Variants in ZNF131 observed in about 807,000 individuals in gnomAD.
ZNF131 encodes the protein zinc finger and BTB domain containing 35.
A neutral mutation model predicts 60.0 loss-of-function variants in ZNF131; 7 were observed. That is an observed-to-expected ratio of 0.12 (90% confidence interval 0.07 to 0.22). The LOEUF (loss-of-function observed/expected upper bound fraction) is 0.22. Among genes scored for constraint, ZNF131 ranks in the 10% least tolerant of loss-of-function variants. ZNF131 has a pLI of 1.00. For missense variants in ZNF131, 493 were observed against 740.9 expected (o/e 0.67, Z 3.88); for synonymous variants, 257 against 253.2 (o/e 1.01, Z -0.14).
chr5:43,145,646 G>A (rs1300736487), intron 4 of ZNF131, among the ~76,000 whole-genome samples: 1 of 151,718 alleles, frequency 6.6e-6, no homozygotes, highest in Non-Finnish European at 1.5e-5. Context: ...GACAGAGTGA[G>A]ACTCCATCTC....
Position 43,175,191 on chromosome 5 carries a change from C to T in ZNF131, c.*58C>T, listed in dbSNP as rs983273445. 6.7e-7 allele frequency: 1 copy of T among 1,481,520 alleles called. No homozygotes were observed. Among genetic ancestry groups the T allele is most frequent in the Non-Finnish European group, 9.0e-7 (1 of 1,107,648 alleles). The allele number at this position is 1,481,520 out of a possible 1,614,324, so 91.8% of individuals were successfully genotyped here. A position where few individuals can be genotyped will look rare whatever the true frequency, so the allele number is the denominator to read the frequency against. On this transcript the variant is annotated 3_prime_UTR_variant, in exon 7 of 7. Coordinates refer to ENST00000682664, the MANE Select transcript of ZNF131 (RefSeq NM_001330707.2). ...GTTGGGTTTTTGAACTGATTATGGG[C>T]AGTTTGACTGTCCTTAATTAAGCCT...
intron 4 of ZNF131, among the ~76,000 whole-genome samples, chr5:43,146,939 A>G (rs560023362): frequency 6.6e-5 from 10 of 152,014 alleles, no homozygotes; most frequent in Non-Finnish European, 1.3e-4. Context: ...AGTGATACAG[A>G]CACCACCACA....
chr5:43,129,418 A>G (rs1053486872), intron 3 of ZNF131, among the ~76,000 whole-genome samples: 1 of 152,020 alleles, frequency 6.6e-6, no homozygotes, highest in African/African-American at 2.4e-5. Flanking sequence ...CTCATCAGTC[A>G]GGACAGGGAG....
chr5:43,154,147 C>T (rs1317528084), intron 4 of ZNF131, among the ~76,000 whole-genome samples: 1 of 152,066 alleles, frequency 6.6e-6, no homozygotes. Context: ...CGGGGTGGCT[C>T]ACACCTGTAA....
intron 3 of ZNF131, among the ~76,000 whole-genome samples, chr5:43,137,576 C>CAAA (rs35143949): frequency 7.0e-6 from 1 of 142,610 alleles, no homozygotes. Flanking sequence ...GGATGGCTAT[C>CAAA]AAAAAAAAAA....
At chr5:43,168,414 A>G (rs751251185) in intron 5 of ZNF131, among the ~76,000 whole-genome samples, 131 of 152,304 alleles carry the variant, frequency 8.6e-4, no homozygotes, top group Admixed American at 6.5e-4. Context: ...ATAGGGCATT[A>G]TGGCCAGAGG....
At chr5:43,162,045 T>G in intron 5 of ZNF131, 114 bp downstream of exon 5, 48 of 990,746 alleles carry the variant, frequency 4.8e-5, no homozygotes, top group Non-Finnish European at 6.4e-5. Context: ...GTATTATCTC[T>G]AATGTGTAGG....
intron 5 of ZNF131, among the ~76,000 whole-genome samples, chr5:43,163,651 T>C (rs539221497): frequency 9.2e-5 from 14 of 152,350 alleles, no homozygotes; most frequent in African/African-American, 3.1e-4. Context: ...GGATAGTTCC[T>C]AAACCTACTA....
rs1747817428 is a variant in ZNF131, at chr5:43,147,898, C to CA, written c.371+8596dup. Among the ~76,000 whole-genome samples the CA allele has an allele frequency of 3.3e-5, 5 of 149,746 alleles. 1 individual carries two copies. In the South Asian group the frequency reaches 1.1e-3, roughly 32 times the overall value. ...GTGAAACCCACCTCTACTAAAAATA[C>CA]AAAAAAATATCTGGGTGTGCTGGTG... On this transcript the variant is annotated intron_variant, in intron 4 of 6. Transcript: ENST00000682664.
At chr5:43,129,625 T>C (rs1221022656) in intron 3 of ZNF131, among the ~76,000 whole-genome samples, 2 of 152,156 alleles carry the variant, frequency 1.3e-5, no homozygotes, top group Non-Finnish European at 2.9e-5. Context: ...GATCAAATTT[T>C]GCTGCCAGAT....
chr5:43,134,215 T>G (rs1470494878), intron 3 of ZNF131, among the ~76,000 whole-genome samples: 1 of 152,166 alleles, frequency 6.6e-6, no homozygotes, highest in Non-Finnish European at 1.5e-5. Context: ...GCAAGGATAG[T>G]TCAACATAGG....
Position 43,162,068 on chromosome 5 carries a change from T to G in ZNF131, c.1054+137T>G, listed in dbSNP as rs557749290. The G allele has an allele frequency of 1.3e-4, 103 of 792,342 alleles. No individual in the cohort carries two copies. The African/African-American group carries it at 1.8e-3, about 14-fold the overall frequency. The allele number at this position is 792,342 out of a possible 1,614,324, so 49.1% of individuals were successfully genotyped here. A position where few individuals can be genotyped will look rare whatever the true frequency, so the allele number is the denominator to read the frequency against. On this transcript the variant is annotated intron_variant, in intron 5 of 6. Transcript: ENST00000682664. ...TCTAATGTGTAGGCTAAGTACACGT[T>G]TTTATAGTATTACCTGTTCAAATAT... is the stretch of plus-strand genomic sequence containing the variant.
chr5:43,156,611 C>G (rs1348998637), intron 4 of ZNF131, among the ~76,000 whole-genome samples: 1 of 152,224 alleles, frequency 6.6e-6, no homozygotes, highest in African/African-American at 2.4e-5. Flanking sequence ...GTCATCCCTG[C>G]TGACACCGAT....
At chr5:43,159,903 G>C (rs914201117) in intron 4 of ZNF131, among the ~76,000 whole-genome samples, 1 of 151,352 alleles carries the variant, frequency 6.6e-6, no homozygotes, top group Admixed American at 6.6e-5. Context: ...GGCTGGGCGC[G>C]GTGGCCCACG....
chr5:43,136,279 G>A (rs374450600), intron 3 of ZNF131, among the ~76,000 whole-genome samples: 16 of 152,248 alleles, frequency 1.1e-4, no homozygotes, highest in African/African-American at 3.9e-4. Context: ...GTGATCCCAA[G>A]CTTTTCATAT....
intron 1 of ZNF131, among the ~76,000 whole-genome samples, chr5:43,121,357 G>T (rs556296780): frequency 6.6e-6 from 1 of 152,214 alleles, no homozygotes; most frequent in Non-Finnish European, 1.5e-5. Context: ...ACCGCTGCCC[G>T]GTTTCTTCTC....
At chr5:43,151,894 G>A (rs1748358884) in intron 4 of ZNF131, among the ~76,000 whole-genome samples, 1 of 152,158 alleles carries the variant, frequency 6.6e-6, no homozygotes, top group Non-Finnish European at 1.5e-5. Context: ...GGCACAGATT[G>A]ATATAGCCTC....
Position 43,148,223 on chromosome 5 carries a change from A to T in ZNF131, c.371+8914A>T, listed in dbSNP as rs907414482. ...CCTATCTCTACAAAAAAAAAAAAAA[A>T]TTTTAACTAGCTATGTGTGGTGGCA... On this transcript the variant is annotated intron_variant, in intron 4 of 6. Coordinates refer to ENST00000682664, the MANE Select transcript of ZNF131 (RefSeq NM_001330707.2). Among the ~76,000 whole-genome samples, 316 of 151,554 alleles carry T rather than the reference A, an allele frequency of 2.1e-3. 2 individuals carry two copies. Among genetic ancestry groups the T allele is most frequent in the African/African-American group, 7.2e-3 (297 of 41,346 alleles).
chr5:43,131,959 A>G (rs1745416817), intron 3 of ZNF131, among the ~76,000 whole-genome samples: 1 of 152,164 alleles, frequency 6.6e-6, no homozygotes, highest in South Asian at 2.1e-4. Context: ...TCTTTGTCAT[A>G]GACTTAGGAG....
Sources: gnomAD v4.1 joint callset for allele counts (sites outside exome capture counted in the v4.1 genomes callset) on GRCh38, gnomAD v4.1.1 for gene constraint, MANE v1.5 for transcripts, NCBI Gene and HGNC (gene_info 2026-07-23, HGNC 2026-07-21) for gene names.